The following TENM2 variants were observed in gnomAD, a reference collection of about 807,000 sequenced individuals.
TENM2 encodes teneurin transmembrane protein 2.
TENM2 carries 52 observed loss-of-function variants against 245.2 expected under a neutral mutation model. That is an observed-to-expected ratio of 0.21 (90% CI 0.17 to 0.27). TENM2 has a LOEUF of 0.27. Among genes scored for constraint, TENM2 ranks in the 10% least tolerant of loss-of-function variants. TENM2 has a pLI of 1.00. For missense variants in TENM2, 3,046 were observed against 3,666.8 expected (o/e 0.83, Z 4.37); for synonymous variants, 1,363 against 1,438.9 (o/e 0.95, Z 1.19).
At chr5:168,094,327 C>T (rs1793184397) in intron 8 of TENM2, among the ~76,000 whole-genome samples, 1 of 151,998 alleles carries the variant, frequency 6.6e-6, no homozygotes, top group Non-Finnish European at 1.5e-5. Context: ...AAAGAGCTTC[C>T]TGGACCTTTG....
At chr5:166,989,148 C>T in the TENM2 span, among the ~76,000 whole-genome samples, 4 of 151,682 alleles carry the variant, frequency 2.6e-5, no homozygotes, top group East Asian at 7.7e-4. Context: ...CGATTCACTG[C>T]AACCTCCACC....
At chr5:167,164,059 C>T in the TENM2 span, among the ~76,000 whole-genome samples, 1 of 151,374 alleles carries the variant, frequency 6.6e-6, no homozygotes, top group Non-Finnish European at 1.5e-5. Flanking sequence ...AAAGTAAACC[C>T]TTTTTTTTTC....
the TENM2 span, among the ~76,000 whole-genome samples, chr5:167,098,184 T>C: frequency 6.6e-6 from 1 of 152,202 alleles, no homozygotes; most frequent in African/African-American, 2.4e-5. Context: ...TTAGCAAGAA[T>C]CATGATAAAT....
In TENM2 at chr5:167,639,508, T is replaced by C. The variant is rs140311614; in HGVS notation, c.503-236478T>C. Among the ~76,000 whole-genome samples the C allele has an allele frequency of 1.6e-3, 247 of 152,322 alleles. 2 individuals are homozygous for C. The highest frequency in any genetic ancestry group is 5.2e-3 in the African/African-American group (216 of 41,578). ...AATTGGCTTCAGAATACTGACCTTCTTCCTGCTTCACAAAAAGGCCAAGCT... is the reference window on the plus strand; with the variant it reads ...AATTGGCTTCAGAATACTGACCTTCCTCCTGCTTCACAAAAAGGCCAAGCT... On this transcript the variant is annotated intron_variant, in intron 2 of 28. Transcript: ENST00000518659.
chr5:167,396,347 T>C (rs1366214770), intron 2 of TENM2, among the ~76,000 whole-genome samples: 1 of 152,058 alleles, frequency 6.6e-6, no homozygotes, highest in South Asian at 2.1e-4. Flanking sequence ...TGAAGGGAAA[T>C]AAGCCAATCT....
At position 167,544,299 on chromosome 5, in the gene TENM2, G is replaced by A. The variant is rs1038794280; in HGVS notation, c.502+168826G>A. 4.6e-5 allele frequency among the ~76,000 whole-genome samples: 7 copies of A among 152,244 alleles called. No homozygotes were observed. In the South Asian group the frequency reaches 1.2e-3, roughly 27 times the overall value. ...TCAGCACAGAATGTGATACTTACGTGGGCTATGATGGAAAAGCCACAGAGG... is the reference window on the plus strand; with the variant it reads ...TCAGCACAGAATGTGATACTTACGTAGGCTATGATGGAAAAGCCACAGAGG... On this transcript the variant is annotated intron_variant, in intron 2 of 28. Coordinates refer to ENST00000518659, the Ensembl canonical transcript of TENM2.
chr5:167,965,893 C>T (rs901412594), intron 4 of TENM2, among the ~76,000 whole-genome samples: 1 of 152,100 alleles, frequency 6.6e-6, no homozygotes, highest in African/African-American at 2.4e-5. Flanking sequence ...TATGATAATG[C>T]CTGGGGAACT....
the TENM2 span, among the ~76,000 whole-genome samples, chr5:167,155,920 C>T: frequency 6.6e-6 from 1 of 152,202 alleles, no homozygotes; most frequent in Non-Finnish European, 1.5e-5. Context: ...AAACGATTCC[C>T]TGGGTCCTGT....
At chr5:168,103,643 A>G (rs1010083073) in intron 9 of TENM2, among the ~76,000 whole-genome samples, 1 of 152,204 alleles carries the variant, frequency 6.6e-6, no homozygotes, top group Admixed American at 6.5e-5. Context: ...TCAGTGCATT[A>G]CATCAGAGAT....
intron 6 of TENM2, among the ~76,000 whole-genome samples, chr5:168,052,876 C>T (rs571681108): frequency 1.3e-5 from 2 of 152,226 alleles, no homozygotes; most frequent in South Asian, 4.1e-4. Flanking sequence ...ATGGCAAAGA[C>T]TGTTATTCTG....
chr5:167,158,634 A>G, the TENM2 span, among the ~76,000 whole-genome samples: 1 of 152,114 alleles, frequency 6.6e-6, no homozygotes, highest in Non-Finnish European at 1.5e-5. Flanking sequence ...TTCTCCTTAT[A>G]TCTTCACATA....
intron 2 of TENM2, among the ~76,000 whole-genome samples, chr5:167,432,271 G>T (rs2127445237): frequency 6.6e-6 from 1 of 151,740 alleles, no homozygotes; most frequent in South Asian, 2.1e-4. Flanking sequence ...TCAGCATGAG[G>T]CAGCAAAAGA....
the TENM2 span, among the ~76,000 whole-genome samples, chr5:167,063,029 C>CAACT: frequency 6.6e-6 from 1 of 152,146 alleles, no homozygotes; most frequent in Non-Finnish European, 1.5e-5. Flanking sequence ...TGATGTAGGT[C>CAACT]AACTGGTTTC....
chr5:167,019,138 A>G, the TENM2 span, among the ~76,000 whole-genome samples: 1 of 124,880 alleles, frequency 8.0e-6, no homozygotes, highest in Non-Finnish European at 1.8e-5. Context: ...GATTTAGATA[A>G]GGAATTTTTT....
chr5:167,769,038 T>C (rs1374323382), intron 2 of TENM2, among the ~76,000 whole-genome samples: 1 of 152,222 alleles, frequency 6.6e-6, no homozygotes, highest in African/African-American at 2.4e-5. Flanking sequence ...GTTCAGTTGA[T>C]GTTGAAAACT....
At chr5:167,378,378 C>CTTCT (rs576878545) in intron 2 of TENM2, among the ~76,000 whole-genome samples, 21,890 of 109,886 alleles carry the variant, frequency 0.2, 1,818 homozygotes, top group African/African-American at 0.25. Flanking sequence ...CTTTCTTCTT[C>CTTCT]TTTTTTTTTT....
the TENM2 span, among the ~76,000 whole-genome samples, chr5:167,128,856 A>T: frequency 6.6e-6 from 1 of 152,188 alleles, no homozygotes; most frequent in African/African-American, 2.4e-5. Flanking sequence ...GTGCCCTGGC[A>T]CTAGGTAGCT....
Position 168,244,355 on chromosome 5 carries a change from C to T in TENM2, c.5521-65C>T, listed in dbSNP as rs938099455. 1 of 1,346,382 alleles carries T rather than the reference C, an allele frequency of 7.4e-7. No individual in the cohort carries two copies. The highest frequency in any genetic ancestry group is 1.5e-5 in the African/African-American group (1 of 67,510). The allele number at this position is 1,346,382 out of a possible 1,614,324, so 83.4% of individuals were successfully genotyped here. A position where few individuals can be genotyped will look rare whatever the true frequency, so the allele number is the denominator to read the frequency against. Reference sequence around the variant, plus strand: ...CCCTGGCCATGCCAGCCATGTCCTCCACAGAAGCCTGAGCCGGCATGCCTG... The same window carrying T: ...CCCTGGCCATGCCAGCCATGTCCTCTACAGAAGCCTGAGCCGGCATGCCTG... On this transcript the variant is annotated intron_variant, in intron 25 of 28. Transcript: ENST00000518659. This position sits in a 1 kb window ranked among gnomAD's most constrained non-coding sequence, Gnocchi z 4.9.
At chr5:168,192,056 G>C (rs996712452) in intron 14 of TENM2, among the ~76,000 whole-genome samples, 1 of 152,130 alleles carries the variant, frequency 6.6e-6, no homozygotes, top group Non-Finnish European at 1.5e-5. Flanking sequence ...TTCTATTTCA[G>C]CCCTGATACC....
Sources: allele counts gnomAD v4.1 joint callset (sites outside exome capture counted in the v4.1 genomes callset), GRCh38; gene constraint gnomAD v4.1.1; non-coding constraint Gnocchi (gnomAD v3.1); transcripts MANE v1.5; gene names NCBI Gene and HGNC (gene_info 2026-07-23, HGNC 2026-07-21).